Variants in CPM observed in about 807,000 individuals in gnomAD.
The protein encoded by CPM is renal carboxypeptidase.
CPM carries 35 observed loss-of-function variants against 46.4 expected under a neutral mutation model. That is an observed-to-expected ratio of 0.75 (90% CI 0.58 to 1.00). CPM has a LOEUF of 1.00. Ranked by LOEUF, CPM falls within the 50% of genes least tolerant of loss-of-function variation. The probability of loss-of-function intolerance (pLI) is 0.00; values close to 1 mark genes in which losing one functional copy is unlikely to be tolerated. For synonymous variants in CPM, 195 were observed against 195.3 expected, an observed-to-expected ratio of 1.00 and a Z score of 0.01; for missense variants, 422 against 530.4, an observed-to-expected ratio of 0.80 and a Z score of 2.01.
At chr12:68,946,125 G>A (rs1461646412) in intron 1 of CPM, among the ~76,000 whole-genome samples, 1 of 152,102 alleles carries the variant, frequency 6.6e-6, no homozygotes, top group Non-Finnish European at 1.5e-5. Context: ...CTCTCAAAAT[G>A]TTGGGATTAC....
intron 1 of CPM, among the ~76,000 whole-genome samples, chr12:68,947,961 C>T (rs1888874826): frequency 6.6e-6 from 1 of 152,178 alleles, no homozygotes; most frequent in South Asian, 2.1e-4. Context: ...AGCTGTTCCC[C>T]ATCCCAAAGC....
intron 3 of CPM, 108 bp from the exon 4 acceptor site, chr12:68,872,064 G>A: frequency 9.1e-7 from 1 of 1,093,728 alleles, no homozygotes; most frequent in South Asian, 1.5e-5. Flanking sequence ...TGATATCTCA[G>A]ACCCAAACTA....
chr12:68,904,553 C>A (rs1887256359), intron 2 of CPM, among the ~76,000 whole-genome samples: 2 of 152,220 alleles, frequency 1.3e-5, no homozygotes, highest in African/African-American at 4.8e-5. Context: ...CCAAGGTTTT[C>A]ACATTGCTCA....
chr12:68,932,113 G>A (rs1888537378), intron 2 of CPM, among the ~76,000 whole-genome samples: 1 of 152,016 alleles, frequency 6.6e-6, no homozygotes, highest in African/African-American at 2.4e-5. Flanking sequence ...TAAGCCATAG[G>A]GCTAATTATA....
chr12:68,861,910 CAAAAAAAAA>C (rs58592710), intron 7 of CPM, among the ~76,000 whole-genome samples: 7 of 39,244 alleles, frequency 1.8e-4, no homozygotes, highest in African/African-American at 4.3e-4. Flanking sequence ...CAGAAGACAC[CAAAAAAAAA>C]AAAAAAAAAA....
intron 2 of CPM, among the ~76,000 whole-genome samples, chr12:68,895,549 A>C (rs935548209): frequency 6.6e-6 from 1 of 152,180 alleles, no homozygotes; most frequent in African/African-American, 2.4e-5. Context: ...CTGCTTCCAT[A>C]ACCAACCCAA....
chr12:68,947,914 C>A (rs575412403), intron 1 of CPM, among the ~76,000 whole-genome samples: 1 of 152,018 alleles, frequency 6.6e-6, no homozygotes, highest in Non-Finnish European at 1.5e-5. Context: ...TAATTTCAAC[C>A]CATTTCTAGC....
At chr12:68,899,857 A>G (rs1887043637) in intron 2 of CPM, among the ~76,000 whole-genome samples, 1 of 152,198 alleles carries the variant, frequency 6.6e-6, no homozygotes. Flanking sequence ...TAGGAGATGC[A>G]TATTGGTGTT....
chr12:68,888,391 G>T (rs1340548830), intron 2 of CPM, among the ~76,000 whole-genome samples: 1 of 152,154 alleles, frequency 6.6e-6, no homozygotes, highest in Non-Finnish European at 1.5e-5. Flanking sequence ...TGAACTGCAA[G>T]ATAAGAATCT....
chr12:68,850,999 G>A (rs942110167), downstream of CPM, among the ~76,000 whole-genome samples: 7 of 151,900 alleles, frequency 4.6e-5, no homozygotes, highest in Admixed American at 1.3e-4. Flanking sequence ...TATGTAACTT[G>A]TTCTGGAAGA....
chr12:68,942,783 G>C (rs1237858182), intron 1 of CPM, among the ~76,000 whole-genome samples: 1 of 152,190 alleles, frequency 6.6e-6, no homozygotes, highest in East Asian at 1.9e-4. Context: ...TCCCCTAGTG[G>C]TTTGTACCAC....
At chr12:68,892,872 AAGT>A (rs1886713252) in intron 2 of CPM, among the ~76,000 whole-genome samples, 1 of 152,026 alleles carries the variant, frequency 6.6e-6, no homozygotes, top group Non-Finnish European at 1.5e-5. Context: ...ACCGAAAAGA[AAGT>A]AGGGTAAGCA....
chr12:68,890,301 G>A (rs1002246109), intron 2 of CPM, among the ~76,000 whole-genome samples: 3 of 151,792 alleles, frequency 2.0e-5, no homozygotes, highest in African/African-American at 7.3e-5. Flanking sequence ...GGGATAAGAG[G>A]CTAAATGATA....
chr12:68,882,029 T>TG lies in CPM; in HGVS notation c.258+3762_258+3763insC, dbSNP rs1565778654. Reference sequence around the variant, plus strand: ...GAGCCACCACGCCCGGCCTGCTTTTTTTTTTTTTTTTTTTTTTAACATTTA... The same window carrying TG: ...GAGCCACCACGCCCGGCCTGCTTTTTGTTTTTTTTTTTTTTTTTAACATTTA... On this transcript the variant is annotated intron_variant, in intron 3 of 8. Transcript: ENST00000551568. Among the ~76,000 whole-genome samples, 8 of 150,946 alleles carry TG rather than the reference T, an allele frequency of 5.3e-5. No homozygotes were observed. In the South Asian group the frequency reaches 1.0e-3, roughly 20 times the overall value.
chr12:68,924,168 A>C (rs1267452282), intron 2 of CPM, among the ~76,000 whole-genome samples: 1 of 151,050 alleles, frequency 6.6e-6, no homozygotes, highest in Non-Finnish European at 1.5e-5. Flanking sequence ...AAAAAAAAAA[A>C]ACCTAAAATT....
At chr12:68,913,930 A>G (rs1592689850) in intron 2 of CPM, 2 of 719,156 alleles carry the variant, frequency 2.8e-6, no homozygotes, top group East Asian at 5.1e-5. Context: ...CAGTCACATG[A>G]CCTGTGCTAC....
chr12:68,847,072 T>G (rs1884345044), downstream of CPM: 1 of 149,304 alleles, frequency 6.7e-6, no homozygotes, highest in African/African-American at 2.5e-5. Context: ...TGCAGCCTCC[T>G]GAGTAGCTGG....
chr12:68,843,080 A>G (rs1883933737), intron 5 of CPM: 2 of 221,448 alleles, frequency 9.0e-6, no homozygotes, highest in South Asian at 1.8e-4. Flanking sequence ...GCCTTTTGCA[A>G]TTTGTTGTGT....
rs898940530 is a variant in CPM, at chr12:68,929,452, T to C, written c.160+3226A>G. On this transcript the variant is annotated intron_variant, in intron 2 of 8. Coordinates refer to ENST00000551568, the MANE Select transcript of CPM (RefSeq NM_198320.5). Reference sequence around the variant, plus strand: ...CTGATGAACACTGTACCTTTTCTGATTTTTCTGAACTAAGTCATCAGTACT... The same window carrying C: ...CTGATGAACACTGTACCTTTTCTGACTTTTCTGAACTAAGTCATCAGTACT... Among the ~76,000 whole-genome samples, 3 of 152,178 alleles carry C rather than the reference T, an allele frequency of 2.0e-5. No individual in the cohort carries two copies. The East Asian group carries it at 5.8e-4, about 29-fold the overall frequency.
Sources: allele counts gnomAD v4.1 joint callset (sites outside exome capture counted in the v4.1 genomes callset), GRCh38; gene constraint gnomAD v4.1.1; transcripts MANE v1.5; gene names NCBI Gene and HGNC (gene_info 2026-07-23, HGNC 2026-07-21).